Variants in SNRPN observed in about 807,000 individuals in gnomAD.
SNRPN encodes small nuclear ribonucleoprotein-associated protein N.
In SNRPN, 7 loss-of-function variants were observed where a neutral mutation model predicts 25.2. The ratio of observed to expected loss-of-function variants is 0.28; its 90% CI spans 0.16 to 0.52. The LOEUF is 0.52. Ranked by LOEUF, SNRPN falls within the 20% of genes least tolerant of loss-of-function variation. The pLI is 0.96. For missense variants in SNRPN, 196 were observed against 322.5 expected, an observed-to-expected ratio of 0.61 and a Z score of 3.00; for synonymous variants, 124 against 110.6, an observed-to-expected ratio of 1.12 and a Z score of -0.76.
At chr15:24,928,404 G>C (rs1347495382) in intron 3 of SNRPN, among the ~76,000 whole-genome samples, 1 of 152,014 alleles carries the variant, frequency 6.6e-6, no homozygotes, top group Non-Finnish European at 1.5e-5. Flanking sequence ...CATAAAAAAA[G>C]AATGAGATCT....
At chr15:24,869,512 C>G (rs2054883585) in intron 1 of SNRPN, among the ~76,000 whole-genome samples, 1 of 152,084 alleles carries the variant, frequency 6.6e-6, no homozygotes, top group Non-Finnish European at 1.5e-5. Flanking sequence ...GTTCCTTCTG[C>G]CTGTGACAGT....
chr15:24,915,298 T>A (rs1451082412), intron 2 of SNRPN, among the ~76,000 whole-genome samples: 5 of 151,920 alleles, frequency 3.3e-5, no homozygotes, highest in Non-Finnish European at 7.4e-5. Context: ...CGGCTAATTT[T>A]TGTATTTTTA....
intron 1 of SNRPN, among the ~76,000 whole-genome samples, chr15:24,857,491 T>C (rs1168258794): frequency 1.3e-5 from 2 of 152,234 alleles, no homozygotes; most frequent in African/African-American, 4.8e-5. Flanking sequence ...CATATAGTTT[T>C]ATAATCTGAT....
At chr15:24,893,680 C>T (rs142024342) in intron 2 of SNRPN, among the ~76,000 whole-genome samples, 3 of 142,192 alleles carry the variant, frequency 2.1e-5, no homozygotes, top group African/African-American at 8.2e-5. Context: ...GGTAAATATT[C>T]CTGATAGTAC....
At chr15:24,964,523 A>G (rs1275109248) in intron 2 of SNRPN, among the ~76,000 whole-genome samples, 1 of 152,056 alleles carries the variant, frequency 6.6e-6, no homozygotes, top group Non-Finnish European at 1.5e-5. Flanking sequence ...CGAACTCCCG[A>G]CCTCAGATGA....
chr15:24,978,069 C>A, intron 8 of SNRPN, 124 bp from the exon 9 acceptor site: 1 of 1,206,928 alleles, frequency 8.3e-7, no homozygotes, highest in Non-Finnish European at 1.2e-6. Context: ...GAGTAATTGT[C>A]ATATAGAAGT....
At chr15:24,909,594 T>C (rs879198898) in intron 2 of SNRPN, 3 of 1,256,850 alleles carry the variant, frequency 2.4e-6, no homozygotes, top group African/African-American at 1.5e-5. Context: ...GCATATGCTG[T>C]GCAGACTATC....
chr15:24,937,537 T>TA (rs982984534), intron 3 of SNRPN, among the ~76,000 whole-genome samples: 1 of 151,830 alleles, frequency 6.6e-6, no homozygotes, highest in South Asian at 2.1e-4. Context: ...TTTTTTTAAT[T>TA]AAAAAAAAAT....
chr15:24,962,481 G>T (rs2074987618), intron 2 of SNRPN, among the ~76,000 whole-genome samples: 1 of 152,004 alleles, frequency 6.6e-6, no homozygotes, highest in Non-Finnish European at 1.5e-5. Context: ...TTCAACATAA[G>T]CATACTTAAA....
At chr15:24,930,035 A>C (rs2060698928) in intron 3 of SNRPN, among the ~76,000 whole-genome samples, 1 of 151,920 alleles carries the variant, frequency 6.6e-6, no homozygotes, top group Non-Finnish European at 1.5e-5. Context: ...AAAATACAAA[A>C]AATTCTCTGG....
chr15:24,967,920 C>T lies in SNRPN; in HGVS notation c.-294-12C>T, dbSNP rs780944030. On this transcript the variant is annotated splice_polypyrimidine_tract_variant and intron_variant, in intron 2 of 9. Transcript: ENST00000390687. ...ATTTTTATCATTTATATATATTGTG[C>T]TCTTGTTGTAGGTGTCAGTTGTACC... 6.2e-7 allele frequency: 1 copy of T among 1,605,804 alleles called. No individual in the cohort carries two copies. The highest frequency in any genetic ancestry group is 1.3e-5 in the African/African-American group (1 of 74,444).
chr15:24,936,008 G>C (rs1166858225), intron 3 of SNRPN, among the ~76,000 whole-genome samples: 2 of 151,966 alleles, frequency 1.3e-5, no homozygotes, highest in Non-Finnish European at 2.9e-5. Flanking sequence ...CCAGCTACTT[G>C]AGAGGCTGAG....
intron 1 of SNRPN, among the ~76,000 whole-genome samples, chr15:24,878,419 G>T (rs896837997): frequency 9.9e-5 from 15 of 152,198 alleles, no homozygotes; most frequent in Non-Finnish European, 2.1e-4. Context: ...GCCGATCTTC[G>T]GCGCGCCTGC....
rs138916482 is a variant in SNRPN, at chr15:24,943,158, C to T, written c.-390-18956C>T. Among the ~76,000 whole-genome samples the T allele has an allele frequency of 9.5e-3, 1,444 of 152,140 alleles. 27 individuals are homozygous for T. Among genetic ancestry groups the T allele is most frequent in the African/African-American group, 0.033 (1,387 of 41,492 alleles). ...TACTGACCAGCCAAACCATTGACCA[C>T]GGCCTATAAATTGGTATATAATTGT... On this transcript the variant is annotated intron_variant, in intron 3 of 11. Transcript: ENST00000400097.
intron 2 of SNRPN, among the ~76,000 whole-genome samples, chr15:24,839,441 G>A (rs560596542): frequency 1.4e-4 from 22 of 152,144 alleles, no homozygotes; most frequent in Non-Finnish European, 2.5e-4. Context: ...TCCTTTCCAA[G>A]TAGCAAGCTG....
chr15:24,885,166 T>C (rs1402739912), intron 1 of SNRPN, among the ~76,000 whole-genome samples: 1 of 151,912 alleles, frequency 6.6e-6, no homozygotes, highest in Non-Finnish European at 1.5e-5. Flanking sequence ...GTTATGGGTA[T>C]TGGGACATCT....
chr15:24,834,627 C>A (rs1341854578), intron 2 of SNRPN, among the ~76,000 whole-genome samples: 1 of 151,266 alleles, frequency 6.6e-6, no homozygotes, highest in Non-Finnish European at 1.5e-5. Flanking sequence ...AGCTACTCTG[C>A]AGCCTGAGAT....
At chr15:24,825,292 A>G (rs1271453061) in intron 1 of SNRPN, among the ~76,000 whole-genome samples, 1 of 148,694 alleles carries the variant, frequency 6.7e-6, no homozygotes, top group Non-Finnish European at 1.5e-5. Context: ...TTTCACTACA[A>G]ATTTAGAAGA....
chr15:24,843,389 T>C (rs866518068), intron 2 of SNRPN, among the ~76,000 whole-genome samples: 3 of 152,188 alleles, frequency 2.0e-5, no homozygotes, highest in South Asian at 4.1e-4. Flanking sequence ...GGCTCATGCC[T>C]ATAATCCCAA....
Sources: gnomAD v4.1 joint callset for allele counts (sites outside exome capture counted in the v4.1 genomes callset) on GRCh38, gnomAD v4.1.1 for gene constraint, MANE v1.5 for transcripts, NCBI Gene and HGNC (gene_info 2026-07-23, HGNC 2026-07-21) for gene names.